Variants in XXYLT1 observed in about 807,000 individuals in gnomAD.
XXYLT1 encodes the protein UDP-xylose:alpha-xyloside alpha-1,3-xylosyltransferase.
In XXYLT1, 20 loss-of-function variants were observed where a neutral mutation model predicts 28.9. The observed-to-expected ratio is 0.69, with a 90% confidence interval of 0.49 to 1.00. The LOEUF (loss-of-function observed/expected upper bound fraction) is 1.00, where lower values mean the gene tolerates loss of function less well. XXYLT1 is among the 50% of genes least tolerant of loss of function. The pLI is 0.00. For synonymous variants in XXYLT1, 257 were observed against 253.8 expected (o/e 1.01, Z -0.12); for missense variants, 542 against 560.1 (o/e 0.97, Z 0.33).
chr3:195,104,587 G>A (rs942232649), intron 3 of XXYLT1, among the ~76,000 whole-genome samples: 5 of 152,134 alleles, frequency 3.3e-5, no homozygotes, highest in African/African-American at 7.2e-5. Flanking sequence ...GGGACGAGGC[G>A]GGGACCCGGG....
Position 195,103,439 on chromosome 3 carries a change from C to T in XXYLT1, c.786-33328G>A, listed in dbSNP as rs148603725. ...ACGCCAGCGGCCTGCGTCCATCACCCCACACCAGCGGCCTGCGTCCATCTC... is the reference window on the plus strand; with the variant it reads ...ACGCCAGCGGCCTGCGTCCATCACCTCACACCAGCGGCCTGCGTCCATCTC... On this transcript the variant is annotated intron_variant, in intron 3 of 3. Transcript: ENST00000310380. Among the ~76,000 whole-genome samples the T allele has an allele frequency of 2.1e-3, 297 of 139,020 alleles. 4 individuals carry two copies. Among genetic ancestry groups the T allele is most frequent in the Middle Eastern group, 8.7e-3 (2 of 230 alleles). 91.2% of individuals were successfully genotyped at this position (139,020 alleles called of 152,430 possible).
At chr3:195,146,971 C>T (rs1428735869) in intron 3 of XXYLT1, 1 of 153,710 alleles carries the variant, frequency 6.5e-6, no homozygotes, top group East Asian at 1.9e-4. Flanking sequence ...TTCCAAGTAG[C>T]TGGAACTACA....
chr3:195,211,743 G>A (rs910638361), intron 2 of XXYLT1, among the ~76,000 whole-genome samples: 5 of 152,226 alleles, frequency 3.3e-5, no homozygotes, highest in Non-Finnish European at 5.9e-5. Flanking sequence ...AGATGAGCAC[G>A]ATTTCACACA....
intron 1 of XXYLT1, among the ~76,000 whole-genome samples, chr3:195,233,874 C>A (rs548523872): frequency 6.6e-6 from 1 of 152,294 alleles, no homozygotes; most frequent in African/African-American, 2.4e-5. Flanking sequence ...TGCTCATTAA[C>A]ATCCTTTTAT....
chr3:195,245,119 T>C (rs1724964354), intron 1 of XXYLT1, among the ~76,000 whole-genome samples: 1 of 150,896 alleles, frequency 6.6e-6, no homozygotes, highest in Admixed American at 6.6e-5. Flanking sequence ...TGAGCCAAGA[T>C]TGCACCATTG....
Position 195,270,564 on chromosome 3 carries a change from G to A in XXYLT1, c.495C>T (p.Phe165=), listed in dbSNP as rs1320663473. ...GCCGCGGCCCGCTCACCTTGCACTT[G>A]AAGCCAGCGGCGGGCGGCAGGAGCT... The part of the protein sequence containing the change: ...LRELLPPAAG[F]KCKVIFHDVA... Residue 165 remains phenylalanine, a synonymous_variant, in exon 1 of 4, where the codon TTC becomes TTT. Coordinates refer to ENST00000310380, the MANE Select transcript of XXYLT1 (RefSeq NM_152531.5). 1.4e-6 allele frequency: 2 copies of A among 1,395,744 alleles called. No individual in the cohort carries two copies. Among genetic ancestry groups the A allele is most frequent in the Non-Finnish European group, 1.9e-6 (2 of 1,077,770 alleles). 86.5% of individuals were successfully genotyped at this position (1,395,744 alleles called of 1,614,324 possible).
chr3:195,224,403 C>T (rs1003389480), intron 2 of XXYLT1, among the ~76,000 whole-genome samples: 14 of 152,174 alleles, frequency 9.2e-5, no homozygotes, highest in African/African-American at 3.4e-4. Context: ...CTGAGCTATG[C>T]CAGGCTCTTG....
rs1175852032 is a variant in XXYLT1 at position 195,143,831 on chromosome 3, GAT to G, written c.785+12616_785+12617del. Among the ~76,000 whole-genome samples, 14 of 65,670 alleles carry G rather than the reference GAT, an allele frequency of 2.1e-4. No homozygotes were observed. The East Asian group carries it at 6.5e-3, about 30-fold the overall frequency. 43.1% of individuals were successfully genotyped at this position (65,670 alleles called of 152,430 possible). On this transcript the variant is annotated intron_variant, in intron 3 of 3. Transcript: ENST00000310380. ...ATATATATAGATATAGATATATATA[GAT>G]ATAGATATAGATATATATATAGATA...
rs538265142 is a variant in XXYLT1 at position 195,260,969 on chromosome 3, C to G, written c.504+9586G>C. On this transcript the variant is annotated intron_variant, in intron 1 of 3. Transcript: ENST00000310380. The stretch of plus-strand genomic sequence containing the variant: ...TTGTCAGGTGGGCTACAGCCCTGCC[C>G]TCATCCCCACACCCACAGCCCCTTG... 9.2e-5 allele frequency among the ~76,000 whole-genome samples: 14 copies of G among 152,344 alleles called. No homozygotes were observed. The East Asian group carries it at 2.3e-3, about 25-fold the overall frequency.
In XXYLT1 at chr3:195,143,877, T is replaced by G. The variant is rs140083487; in HGVS notation, c.785+12572A>C. ...ATAGATATATATAGATATAGATATA[T>G]ATATATATATATTTATTTTTTATTT... On this transcript the variant is annotated intron_variant, in intron 3 of 3. Coordinates refer to ENST00000310380, the MANE Select transcript of XXYLT1 (RefSeq NM_152531.5). Among the ~76,000 whole-genome samples, 1,249 of 127,430 alleles carry G rather than the reference T, an allele frequency of 9.8e-3. 111 individuals carry two copies. Among genetic ancestry groups the G allele is most frequent in the Middle Eastern group, 0.02 (5 of 256 alleles). 83.6% of individuals were successfully genotyped at this position (127,430 alleles called of 152,430 possible).
intron 3 of XXYLT1, chr3:195,146,974 G>A (rs947075803): frequency 6.5e-6 from 1 of 153,704 alleles, no homozygotes; most frequent in African/African-American, 2.4e-5. Flanking sequence ...CAAGTAGCTG[G>A]AACTACAGGT....
At chr3:195,204,476 ACTCT>A (rs61196221) in intron 2 of XXYLT1, among the ~76,000 whole-genome samples, 3,143 of 125,816 alleles carry the variant, frequency 0.025, 51 homozygotes, top group Middle Eastern at 0.075. Context: ...TCACTCTCTC[ACTCT>A]CTCTCTCTCT....
At chr3:195,107,812 T>C (rs1030872722) in intron 3 of XXYLT1, among the ~76,000 whole-genome samples, 3 of 151,908 alleles carry the variant, frequency 2.0e-5, no homozygotes, top group African/African-American at 7.3e-5. Context: ...TGAGGCCAAC[T>C]TGGTAGAGAC....
intron 3 of XXYLT1, among the ~76,000 whole-genome samples, chr3:195,107,248 C>A (rs1717151023): frequency 6.6e-6 from 1 of 151,688 alleles, no homozygotes; most frequent in Non-Finnish European, 1.5e-5. Context: ...CCGAGGCGGG[C>A]GGATCACCTG....
At chr3:195,083,488 CCTT>C (rs1008715232) in intron 3 of XXYLT1, among the ~76,000 whole-genome samples, 1 of 152,198 alleles carries the variant, frequency 6.6e-6, no homozygotes, top group East Asian at 1.9e-4. Flanking sequence ...CACCAGAGGT[CCTT>C]CTCCTCATCT....
intron 2 of XXYLT1, among the ~76,000 whole-genome samples, chr3:195,191,680 G>A: frequency 6.6e-6 from 1 of 152,174 alleles, no homozygotes; most frequent in South Asian, 2.1e-4. Flanking sequence ...AATGGACAAA[G>A]CTATACCATG....
At chr3:195,184,687 C>T (rs890370143) in intron 2 of XXYLT1, 2 of 985,262 alleles carry the variant, frequency 2.0e-6, no homozygotes, top group Admixed American at 6.1e-5. Flanking sequence ...ATTCCTTCCC[C>T]ACCCCACACA....
At chr3:195,098,096 C>T (rs989798983) in intron 3 of XXYLT1, among the ~76,000 whole-genome samples, 7 of 152,148 alleles carry the variant, frequency 4.6e-5, no homozygotes, top group African/African-American at 1.4e-4. Flanking sequence ...CAAGAACAGG[C>T]ACGCTCACAG....
At chr3:195,214,805 C>T (rs967035289) in intron 2 of XXYLT1, 5 of 152,178 alleles carry the variant, frequency 3.3e-5, no homozygotes, top group Non-Finnish European at 5.9e-5. Flanking sequence ...TTCGGCAGCA[C>T]ATATACTAAA....
Sources: gnomAD v4.1 joint callset for allele counts (sites outside exome capture counted in the v4.1 genomes callset) on GRCh38, gnomAD v4.1.1 for gene constraint, MANE v1.5 for transcripts, NCBI Gene and HGNC (gene_info 2026-07-23, HGNC 2026-07-21) for gene names.